CLPTM1L: variants seen among roughly 807,000 people sequenced by gnomAD.
CLPTM1L encodes CLPTM1 like, also known as lipid scramblase CLPTM1L.
In CLPTM1L, 38 loss-of-function variants were observed where a neutral mutation model predicts 70.9. That is an observed-to-expected ratio of 0.54 (90% CI 0.41 to 0.70). The LOEUF is 0.70. Ranked by LOEUF, CLPTM1L falls within the 30% of genes least tolerant of loss-of-function variation. The pLI is 0.00. For missense variants in CLPTM1L, 652 were observed against 705.9 expected, an observed-to-expected ratio of 0.92 and a Z score of 0.87; for synonymous variants, 339 against 299.9, an observed-to-expected ratio of 1.13 and a Z score of -1.35.
At chr5:1,344,074 GC>G (rs1259370450) in intron 2 of CLPTM1L, among the ~76,000 whole-genome samples, 1 of 152,206 alleles carries the variant, frequency 6.6e-6, no homozygotes, top group African/African-American at 2.4e-5. Context: ...ACCAAGCGTG[GC>G]CCCTGCTCCT....
intron 7 of CLPTM1L, among the ~76,000 whole-genome samples, chr5:1,333,775 T>G (rs1214420220): frequency 6.8e-6 from 1 of 147,052 alleles, no homozygotes. Context: ...CGGATGAGGA[T>G]AAGGGGGGAC....
intron 8 of CLPTM1L, chr5:1,330,936 G>A (rs1025549719): frequency 6.5e-6 from 1 of 153,648 alleles, no homozygotes; most frequent in African/African-American, 2.4e-5. Flanking sequence ...TTAGGGTTAG[G>A]AGACAACAAC....
At position 1,333,242 on chromosome 5, in the gene CLPTM1L, T is replaced by C. The variant is rs571469077; in HGVS notation, c.891+1047A>G. Among the ~76,000 whole-genome samples the C allele has an allele frequency of 1.0e-4, 5 of 49,800 alleles. 1 individual carries two copies. In the East Asian group the frequency reaches 1.9e-3, roughly 19 times the overall value. 32.7% of individuals were successfully genotyped at this position (49,800 alleles called of 152,430 possible). A position where few individuals can be genotyped will look rare whatever the true frequency, so the allele number is the denominator to read the frequency against. On this transcript the variant is annotated intron_variant, in intron 7 of 16. Transcript: ENST00000320895. ...CACACCGGATAAGGGGGGACTACTG[T>C]ATACACACCAGATAAGGGGGGACTA...
chr5:1,341,686 C>G lies in CLPTM1L; in HGVS notation c.438G>C (p.Gly146=). Residue 146 remains glycine (G), a synonymous_variant, in exon 3 of 17, where the codon GGG becomes GGC. Coordinates refer to ENST00000320895, the MANE Select transcript of CLPTM1L (RefSeq NM_030782.5). Reference sequence around the variant, plus strand: ...AGACCCTCACCTGTGTATCAGACTCCCCGGTGAGCAGGTTGATTTCTTCTG... The same window carrying G: ...AGACCCTCACCTGTGTATCAGACTCGCCGGTGAGCAGGTTGATTTCTTCTG... ...PKPEEINLLT[G]ESDTQQIEAE... 4.4e-6 allele frequency: 7 copies of G among 1,608,582 alleles called. No individual in the cohort carries two copies. Among genetic ancestry groups the G allele is most frequent in the South Asian group, 1.1e-5 (1 of 90,908 alleles).
At chr5:1,338,010 T>C (rs1476629117) in intron 4 of CLPTM1L, 28 bp from the exon 5 acceptor site, 1 of 1,572,574 alleles carries the variant, frequency 6.4e-7, no homozygotes, top group African/African-American at 1.3e-5. Flanking sequence ...CTTTCCAAAG[T>C]CAGCACCAAG....
At chr5:1,339,144 A>C in intron 3 of CLPTM1L, 139 bp from the exon 4 acceptor site, 1 of 968,862 alleles carries the variant, frequency 1.0e-6, no homozygotes, top group Non-Finnish European at 1.5e-6. Context: ...CAGCCCCCTA[A>C]CCTGTGAAGA....
intron 5 of CLPTM1L, 38 bp downstream of exon 5, chr5:1,337,866 C>G (rs754397759): frequency 6.6e-7 from 1 of 1,520,194 alleles, no homozygotes; most frequent in Non-Finnish European, 8.9e-7. Flanking sequence ...GTCAGTGTCT[C>G]GCCAGCTGCA....
chr5:1,343,122 C>T (rs531242188), intron 2 of CLPTM1L, among the ~76,000 whole-genome samples: 84 of 151,896 alleles, frequency 5.5e-4, no homozygotes, highest in African/African-American at 1.9e-3. Flanking sequence ...ACCCGGGAAC[C>T]GGAGGTTGCA....
intron 3 of CLPTM1L, among the ~76,000 whole-genome samples, chr5:1,339,260 G>A (rs562399860): frequency 2.7e-5 from 4 of 148,044 alleles, no homozygotes; most frequent in African/African-American, 1.0e-4. Flanking sequence ...GGGACAGCAG[G>A]GTCAGTGCCC....
intron 11 of CLPTM1L, among the ~76,000 whole-genome samples, chr5:1,324,247 C>T (rs143523317): frequency 5.3e-5 from 8 of 152,362 alleles, no homozygotes; most frequent in Admixed American, 1.3e-4. Flanking sequence ...AGCTTTACAA[C>T]GCCATGCAAG....
At position 1,342,039 on chromosome 5, in the gene CLPTM1L, T is replaced by TGCGCGCGCGCGCGC. The variant is rs71309294; in HGVS notation, c.264-180_264-179insGCGCGCGCGCGCGC. Among the ~76,000 whole-genome samples, 5 of 148,976 alleles carry TGCGCGCGCGCGCGC rather than the reference T, an allele frequency of 3.4e-5. No individual in the cohort carries two copies. The highest frequency in any genetic ancestry group is 1.3e-4 in the African/African-American group (5 of 39,664). ...GTGTGTGTGTGTGTGTGTGTGTGTG[T>TGCGCGCGCGCGCGC]GCACGCGCACGCGTGCGCGTCCTGA... is the stretch of plus-strand genomic sequence containing the variant. On this transcript the variant is annotated intron_variant, in intron 2 of 16. Coordinates refer to ENST00000320895, the MANE Select transcript of CLPTM1L (RefSeq NM_030782.5). The surrounding 1 kb of genome is among the most constrained non-coding windows in gnomAD (Gnocchi z 4.3).
At chr5:1,337,521 G>C (rs1184618904) in intron 5 of CLPTM1L, among the ~76,000 whole-genome samples, 1 of 152,244 alleles carries the variant, frequency 6.6e-6, no homozygotes, top group African/African-American at 2.4e-5. Flanking sequence ...GGGAAAGCAG[G>C]AGTTTGCTCA....
At chr5:1,333,972 C>A (rs1028611716) in intron 7 of CLPTM1L, among the ~76,000 whole-genome samples, 1 of 152,126 alleles carries the variant, frequency 6.6e-6, no homozygotes, top group Non-Finnish European at 1.5e-5. Flanking sequence ...TGCACCTATT[C>A]ATCTCATTGG....
In CLPTM1L at chr5:1,335,161, G is replaced by A; in HGVS notation, c.692C>T (p.Ser231Phe). 4 of 1,613,578 alleles carry A rather than the reference G, an allele frequency of 2.5e-6. No homozygotes were observed. Among genetic ancestry groups the A allele is most frequent in the Non-Finnish European group, 3.4e-6 (4 of 1,179,966 alleles). ...RVKDLMVINR[S>F]TTELPLTVSY... ...CACGGTGAGGGGCAGCTCGGTGGTG[G>A]AGCGGTTTATGACCTGATGAAGAAA... Residue 231 changes from serine to phenylalanine, a missense_variant, in exon 6 of 17, where the codon TCC (serine) becomes TTC (phenylalanine). Coordinates refer to ENST00000320895, the MANE Select transcript of CLPTM1L (RefSeq NM_030782.5).
chr5:1,325,852 T>C lies in CLPTM1L; in HGVS notation c.1081-36A>G, dbSNP rs776222881. The C allele has an allele frequency of 1.3e-5, 21 of 1,592,770 alleles. No individual in the cohort carries two copies. The South Asian group carries it at 2.0e-4, about 15-fold the overall frequency. ...AAATCAGGAAATAGTTCCTTTAATA[T>C]TCGAAGGCCAGGAGCCACGAATGAA... is the stretch of plus-strand genomic sequence containing the variant. On this transcript the variant is annotated intron_variant, in intron 9 of 16. Transcript: ENST00000320895.
At chr5:1,344,227 T>C in intron 2 of CLPTM1L, 124 bp downstream of exon 2, 1 of 725,188 alleles carries the variant, frequency 1.4e-6, no homozygotes, top group Non-Finnish European at 2.4e-6. Flanking sequence ...ATTCTACCAC[T>C]TCAAGACATT....
chr5:1,330,577 G>T lies in CLPTM1L; in HGVS notation c.977-194C>A, dbSNP rs1395616363. On this transcript the variant is annotated intron_variant, in intron 8 of 16. Transcript: ENST00000320895. ...CAGCTAGGAAAGTGTTTGGAAGGCT[G>T]CTGAACTGAACAGCTGGCCCCACAC... 3 of 579,030 alleles carry T rather than the reference G, an allele frequency of 5.2e-6. No individual in the cohort carries two copies. In the African/African-American group the frequency reaches 5.6e-5, roughly 11 times the overall value. 35.9% of individuals were successfully genotyped at this position (579,030 alleles called of 1,614,324 possible). A position where few individuals can be genotyped will look rare whatever the true frequency, so the allele number is the denominator to read the frequency against.
chr5:1,334,964 G>T, intron 6 of CLPTM1L, 93 bp downstream of exon 6: 1 of 863,632 alleles, frequency 1.2e-6, no homozygotes, highest in Non-Finnish European at 1.9e-6. Flanking sequence ...AGCAGGAGGC[G>T]AGGAGGCCCC....
chr5:1,330,891 G>A (rs1355587398), intron 8 of CLPTM1L: 1 of 154,734 alleles, frequency 6.5e-6, no homozygotes, highest in African/African-American at 2.4e-5. Context: ...GCCACTGTCT[G>A]CTGGCCACTC....
Sources: allele counts gnomAD v4.1 joint callset (sites outside exome capture counted in the v4.1 genomes callset), GRCh38; gene constraint gnomAD v4.1.1; non-coding constraint Gnocchi (gnomAD v3.1); transcripts MANE v1.5; gene names NCBI Gene and HGNC (gene_info 2026-07-23, HGNC 2026-07-21).